The following COMMD10 variants were observed in gnomAD, a reference collection of about 807,000 sequenced individuals.
COMMD10 encodes the protein COMM domain-containing protein 10.
A neutral mutation model predicts 28.9 loss-of-function variants in COMMD10; 33 were observed. That is an observed-to-expected ratio of 1.14 (90% CI 0.87 to 1.53). The LOEUF (loss-of-function observed/expected upper bound fraction) is 1.53. Ranked by LOEUF, COMMD10 falls within the 40% of genes most tolerant of loss-of-function variation. COMMD10 has a pLI of 0.00. For synonymous variants in COMMD10, 110 were observed against 81.7 expected (o/e 1.35, Z -1.87); for missense variants, 310 against 233.4 (o/e 1.33, Z -2.14).
Position 116,090,002 on chromosome 5 carries a change from G to A in COMMD10, c.133-1077G>A, listed in dbSNP as rs75366182. Among the ~76,000 whole-genome samples, 940 of 152,254 alleles carry A rather than the reference G, an allele frequency of 6.2e-3. 11 individuals are homozygous for A. Among genetic ancestry groups the A allele is most frequent in the African/African-American group, 0.022 (905 of 41,536 alleles). On this transcript the variant is annotated intron_variant, in intron 2 of 6. Coordinates refer to ENST00000274458, the MANE Select transcript of COMMD10 (RefSeq NM_016144.4). ...GAATTCTTAGAATAGTGAAACTGAGGCAGGCAGATTGGTGAAGAGGTTTAG... is the reference window on the plus strand; with the variant it reads ...GAATTCTTAGAATAGTGAAACTGAGACAGGCAGATTGGTGAAGAGGTTTAG...
chr5:116,121,916 C>T (rs1385832779), intron 4 of COMMD10, among the ~76,000 whole-genome samples: 1 of 152,144 alleles, frequency 6.6e-6, no homozygotes, highest in Non-Finnish European at 1.5e-5. Context: ...CACAAATTTT[C>T]TCCCATTCTG....
chr5:116,211,296 G>T (rs972092444), intron 5 of COMMD10, among the ~76,000 whole-genome samples: 1 of 152,100 alleles, frequency 6.6e-6, no homozygotes, highest in African/African-American at 2.4e-5. Flanking sequence ...CACAAACCTA[G>T]ATGGTATAGC....
intron 5 of COMMD10, among the ~76,000 whole-genome samples, chr5:116,177,905 G>T (rs994827381): frequency 2.0e-5 from 3 of 151,958 alleles, no homozygotes; most frequent in Non-Finnish European, 4.4e-5. Flanking sequence ...CACATAGTGG[G>T]TGCTTAATAA....
chr5:116,269,422 A>T (rs803967), intron 5 of COMMD10, among the ~76,000 whole-genome samples: 3 of 151,600 alleles, frequency 2.0e-5, no homozygotes, highest in East Asian at 3.9e-4. Context: ...ATTTCTCCTT[A>T]TGACTTTCAC....
intron 5 of COMMD10, among the ~76,000 whole-genome samples, chr5:116,277,229 A>C (rs75480460): frequency 0.015 from 2,251 of 151,940 alleles, 85 homozygotes; most frequent in African/African-American, 0.048. Flanking sequence ...ATAAAACCTT[A>C]TTAGCTCCAG....
chr5:116,129,033 C>T (rs1474541122), intron 4 of COMMD10, among the ~76,000 whole-genome samples: 5 of 151,856 alleles, frequency 3.3e-5, no homozygotes, highest in Middle Eastern at 6.8e-3. Context: ...AAAGAGCAGT[C>T]GTGGGTAGAT....
At chr5:116,219,267 C>A (rs1749181898) in intron 5 of COMMD10, among the ~76,000 whole-genome samples, 1 of 152,110 alleles carries the variant, frequency 6.6e-6, no homozygotes. Context: ...GCAGCCCTAG[C>A]AAACCGATAC....
intron 5 of COMMD10, among the ~76,000 whole-genome samples, 175 bp downstream of exon 5, chr5:116,134,353 C>A (rs1405830313): frequency 1.3e-5 from 2 of 152,038 alleles, no homozygotes; most frequent in Non-Finnish European, 2.9e-5. Context: ...GCCTTTCTTA[C>A]AAAAACATTT....
intron 5 of COMMD10, among the ~76,000 whole-genome samples, chr5:116,142,470 G>C (rs1299221341): frequency 6.6e-6 from 1 of 151,778 alleles, no homozygotes; most frequent in East Asian, 1.9e-4. Context: ...ATTACTAGGT[G>C]AAAGGGTATA....
intron 4 of COMMD10, among the ~76,000 whole-genome samples, chr5:116,122,019 G>T (rs1270799467): frequency 6.6e-6 from 1 of 152,124 alleles, no homozygotes; most frequent in Admixed American, 6.5e-5. Flanking sequence ...GGCTTTTGTT[G>T]CCATTGCTTT....
At chr5:116,178,870 A>G (rs1319091615) in intron 5 of COMMD10, among the ~76,000 whole-genome samples, 1 of 152,160 alleles carries the variant, frequency 6.6e-6, no homozygotes, top group Non-Finnish European at 1.5e-5. Context: ...TTCCATTCCA[A>G]AATGTTAAGA....
chr5:116,219,440 T>C (rs1022726083), intron 5 of COMMD10, among the ~76,000 whole-genome samples: 21 of 152,084 alleles, frequency 1.4e-4, no homozygotes, highest in African/African-American at 5.1e-4. Context: ...GTTATCTAGG[T>C]AGGCCATAAG....
intron 5 of COMMD10, among the ~76,000 whole-genome samples, chr5:116,187,448 T>C (rs1333036358): frequency 6.6e-6 from 1 of 152,090 alleles, no homozygotes; most frequent in East Asian, 1.9e-4. Context: ...TGGTAAATAG[T>C]ATTAGAGGTA....
At chr5:116,167,531 G>C (rs370680299) in intron 5 of COMMD10, among the ~76,000 whole-genome samples, 8 of 152,070 alleles carry the variant, frequency 5.3e-5, no homozygotes, top group African/African-American at 1.7e-4. Flanking sequence ...GCAACCCCAA[G>C]ACACATAATC....
rs577225104 is a variant in COMMD10, at chr5:116,193,443, T to C, written c.510+59265T>C. ...GGAGACTCACCTAACACCTAACACA[T>C]AAGGACTCACATAAACTGAAAGTAA... On this transcript the variant is annotated intron_variant, in intron 5 of 6. Coordinates refer to ENST00000274458, the MANE Select transcript of COMMD10 (RefSeq NM_016144.4). 5.4e-4 allele frequency among the ~76,000 whole-genome samples: 82 copies of C among 152,082 alleles called. 3 individuals are homozygous for C. Among genetic ancestry groups the C allele is most frequent in the Middle Eastern group, 3.4e-3 (1 of 294 alleles).
intron 4 of COMMD10, among the ~76,000 whole-genome samples, chr5:116,115,206 A>C (rs1219451437): frequency 6.6e-6 from 1 of 152,048 alleles, no homozygotes. Context: ...TTGCTTCCCA[A>C]GTCAAATTCA....
At chr5:116,169,099 A>G (rs1561644891) in intron 5 of COMMD10, among the ~76,000 whole-genome samples, 1 of 152,230 alleles carries the variant, frequency 6.6e-6, no homozygotes, top group African/African-American at 2.4e-5. Flanking sequence ...ATAGACCTCT[A>G]GCCACACTAA....
intron 5 of COMMD10, among the ~76,000 whole-genome samples, chr5:116,220,841 C>A (rs1206476324): frequency 2.0e-5 from 3 of 151,966 alleles, no homozygotes; most frequent in Non-Finnish European, 4.4e-5. Flanking sequence ...TTAAATGAAA[C>A]CCTCCCTATA....
intron 4 of COMMD10, among the ~76,000 whole-genome samples, chr5:116,103,825 A>G (rs1580446839): frequency 6.6e-6 from 1 of 152,284 alleles, no homozygotes; most frequent in East Asian, 1.9e-4. Context: ...TAATTTTTGT[A>G]TAAGGTGTAA....
Sources: gnomAD v4.1 joint callset for allele counts (sites outside exome capture counted in the v4.1 genomes callset) on GRCh38, gnomAD v4.1.1 for gene constraint, MANE v1.5 for transcripts, NCBI Gene and HGNC (gene_info 2026-07-23, HGNC 2026-07-21) for gene names.